MEIS2: variants seen among roughly 807,000 people sequenced by gnomAD.
MEIS2 encodes Meis homeobox 2.
MEIS2 carries 9 observed loss-of-function variants against 58.6 expected under a neutral mutation model. That is an observed-to-expected ratio of 0.15 (90% CI 0.09 to 0.27). The LOEUF is 0.27. Ranked by LOEUF, MEIS2 falls within the 10% of genes least tolerant of loss-of-function variation. MEIS2 has a pLI of 1.00. For missense variants in MEIS2, 427 were observed against 635.0 expected (o/e 0.67, Z 3.52); for synonymous variants, 221 against 228.4 (o/e 0.97, Z 0.29).
At chr15:37,015,201 C>T (rs1015263941) in intron 8 of MEIS2, among the ~76,000 whole-genome samples, 6 of 152,200 alleles carry the variant, frequency 3.9e-5, no homozygotes, top group Non-Finnish European at 8.8e-5. Context: ...CCCCAGAGGG[C>T]ACAGATTTCT....
At chr15:36,970,841 T>C (rs2059527501) in intron 8 of MEIS2, among the ~76,000 whole-genome samples, 1 of 152,142 alleles carries the variant, frequency 6.6e-6, no homozygotes, top group African/African-American at 2.4e-5. Context: ...ATTAAAGCTT[T>C]AGGTTAAGGT....
chr15:36,979,075 C>T (rs541528790), intron 8 of MEIS2, among the ~76,000 whole-genome samples: 18 of 152,104 alleles, frequency 1.2e-4, no homozygotes, highest in African/African-American at 4.3e-4. Flanking sequence ...ACTTGAACTG[C>T]TCCACAATTT....
intron 8 of MEIS2, among the ~76,000 whole-genome samples, chr15:36,991,792 T>TC (rs2060296466): frequency 1.6e-5 from 2 of 122,938 alleles, no homozygotes; most frequent in African/African-American, 3.1e-5. Context: ...TCTTTTTTTT[T>TC]TTTTTTTTTT....
intron 1 of MEIS2, chr15:37,098,495 C>T (rs1377175481): frequency 3.9e-6 from 3 of 767,550 alleles, no homozygotes; most frequent in Middle Eastern, 4.4e-4. Flanking sequence ...AGAAACCAAA[C>T]CAGCCAAAAC....
intron 7 of MEIS2, among the ~76,000 whole-genome samples, chr15:37,057,690 A>G (rs1888619671): frequency 2.0e-5 from 3 of 152,122 alleles, no homozygotes; most frequent in Admixed American, 2.0e-4. Context: ...ATTTTTTTCA[A>G]GGCTTTACTA....
At chr15:37,024,100 G>A (rs2061621190) in intron 8 of MEIS2, among the ~76,000 whole-genome samples, 1 of 151,892 alleles carries the variant, frequency 6.6e-6, no homozygotes, top group African/African-American at 2.4e-5. Flanking sequence ...GTTTCACTAT[G>A]TTGGCCAGGT....
At chr15:36,972,547 G>T (rs891020838) in intron 8 of MEIS2, among the ~76,000 whole-genome samples, 1 of 152,120 alleles carries the variant, frequency 6.6e-6, no homozygotes, top group African/African-American at 2.4e-5. Flanking sequence ...GTGAGCCACC[G>T]CACCTGGCCA....
chr15:37,064,819 C>T (rs1317904480), intron 7 of MEIS2, among the ~76,000 whole-genome samples: 1 of 152,098 alleles, frequency 6.6e-6, no homozygotes, highest in African/African-American at 2.4e-5. Context: ...AAACCCAATC[C>T]AGTGAGTAAA....
At chr15:36,948,182 G>A (rs1595785798) in intron 9 of MEIS2, among the ~76,000 whole-genome samples, 1 of 152,056 alleles carries the variant, frequency 6.6e-6, no homozygotes, top group East Asian at 1.9e-4. Flanking sequence ...CAACGTTTAT[G>A]CTGTATTATG....
chr15:36,935,283 T>C (rs1170914201), intron 9 of MEIS2, among the ~76,000 whole-genome samples: 1 of 151,988 alleles, frequency 6.6e-6, no homozygotes, highest in African/African-American at 2.4e-5. Flanking sequence ...CCTCCCCAAC[T>C]TCTGCATACA....
In MEIS2 at chr15:37,023,911, CTTTTTT is replaced by C. The variant is rs35244111; in HGVS notation, c.900+12897_900+12902del. Among the ~76,000 whole-genome samples, 537 of 101,510 alleles carry C rather than the reference CTTTTTT, an allele frequency of 5.3e-3. 2 individuals carry two copies. The highest frequency in any genetic ancestry group is 0.02 in the African/African-American group (502 of 25,710). The allele number at this position is 101,510 out of a possible 152,430, so 66.6% of individuals were successfully genotyped here. A position where few individuals can be genotyped will look rare whatever the true frequency, so the allele number is the denominator to read the frequency against. ...TCTTCACTGGCCTCCTTTTCTCTCT[CTTTTTT>C]TTTTTTTTTTTTTTTTGATGGAGTT... is the stretch of plus-strand genomic sequence containing the variant. On this transcript the variant is annotated intron_variant, in intron 8 of 11. Transcript: ENST00000561208.
Position 36,950,274 on chromosome 15 carries a change from A to G in MEIS2, c.977+50T>C, listed in dbSNP as rs746652120. The G allele has an allele frequency of 4.9e-6, 7 of 1,432,710 alleles. No individual in the cohort carries two copies. The East Asian group carries it at 6.8e-5, about 14-fold the overall frequency. The allele number at this position is 1,432,710 out of a possible 1,614,324, so 88.7% of individuals were successfully genotyped here. On this transcript the variant is annotated intron_variant, in intron 9 of 11. Transcript: ENST00000561208. The stretch of plus-strand genomic sequence containing the variant: ...AAAAAGAGAGAAAACCATTATTTAG[A>G]AATCTCATTTTAGCCATGGGAGAAA...
At chr15:37,004,842 G>C (rs2060859378) in intron 8 of MEIS2, among the ~76,000 whole-genome samples, 1 of 152,148 alleles carries the variant, frequency 6.6e-6, no homozygotes, top group African/African-American at 2.4e-5. Context: ...AGATTATGAG[G>C]CATGTTCCCA....
At chr15:37,046,835 A>C (rs978691899) in intron 7 of MEIS2, among the ~76,000 whole-genome samples, 3 of 14,494 alleles carry the variant, frequency 2.1e-4, no homozygotes, top group Non-Finnish European at 9.1e-4. Context: ...CTCGTTTAAA[A>C]AATATATATA....
At chr15:36,975,879 A>G (rs2059731211) in intron 8 of MEIS2, among the ~76,000 whole-genome samples, 2 of 152,190 alleles carry the variant, frequency 1.3e-5, no homozygotes, top group African/African-American at 4.8e-5. Context: ...TATCACCACA[A>G]TAAAAATAAA....
At chr15:37,013,164 T>G (rs996326217) in intron 8 of MEIS2, among the ~76,000 whole-genome samples, 2 of 152,130 alleles carry the variant, frequency 1.3e-5, no homozygotes, top group African/African-American at 4.8e-5. Flanking sequence ...GAGTGCCAGA[T>G]GGCACCTTAC....
intron 7 of MEIS2, among the ~76,000 whole-genome samples, chr15:37,044,425 C>T (rs988004762): frequency 6.6e-6 from 1 of 152,230 alleles, no homozygotes; most frequent in Admixed American, 6.5e-5. Flanking sequence ...CAATATGAGC[C>T]TACCCTTTAT....
chr15:37,094,670 G>T (rs955244546), intron 4 of MEIS2, 93 bp from the exon 5 acceptor site: 4 of 1,044,826 alleles, frequency 3.8e-6, no homozygotes, highest in Non-Finnish European at 5.7e-6. Context: ...TGGTGAGAAA[G>T]TTGGGCTGGG....
At chr15:37,082,808 G>A (rs939504260) in intron 7 of MEIS2, among the ~76,000 whole-genome samples, 1 of 152,012 alleles carries the variant, frequency 6.6e-6, no homozygotes, top group Non-Finnish European at 1.5e-5. Flanking sequence ...AAGCTTGGAG[G>A]ACAAAAGGCA....
Sources: allele counts gnomAD v4.1 joint callset (sites outside exome capture counted in the v4.1 genomes callset), GRCh38; gene constraint gnomAD v4.1.1; transcripts MANE v1.5; gene names NCBI Gene and HGNC (gene_info 2026-07-23, HGNC 2026-07-21).